GLUD1: variants seen among roughly 807,000 people sequenced by gnomAD.
GLUD1 encodes the protein glutamate dehydrogenase 1.
GLUD1 carries 22 observed loss-of-function variants against 56.0 expected under a neutral mutation model. The observed-to-expected ratio is 0.39, with a 90% confidence interval of 0.28 to 0.56. GLUD1 has a LOEUF of 0.56. Among genes scored for constraint, GLUD1 ranks in the 20% least tolerant of loss-of-function variants. The probability of loss-of-function intolerance (pLI) is 0.58; values close to 1 mark genes in which losing one functional copy is unlikely to be tolerated. For synonymous variants in GLUD1, 223 were observed against 269.9 expected (o/e 0.83, Z 1.70); for missense variants, 451 against 732.0 (o/e 0.62, Z 4.43).
At chr10:87,074,786 TC>T (rs769720712) in intron 3 of GLUD1, among the ~76,000 whole-genome samples, 172 bp from the exon 4 acceptor site, 22 of 152,130 alleles carry the variant, frequency 1.4e-4, no homozygotes, top group Admixed American at 4.6e-4. Flanking sequence ...AAATAAGGGA[TC>T]AAAAAAGTAG....
intron 11 of GLUD1, 113 bp downstream of exon 11, chr10:87,057,578 T>C: frequency 1.3e-6 from 1 of 764,906 alleles, no homozygotes; most frequent in Non-Finnish European, 2.4e-6. Flanking sequence ...ACGCACTTAC[T>C]GTCAAGCTAA....
intron 11 of GLUD1, among the ~76,000 whole-genome samples, chr10:87,055,504 C>G (rs1218546378): frequency 3.3e-5 from 5 of 152,114 alleles, no homozygotes; most frequent in African/African-American, 7.2e-5. Context: ...CTGGCAGGGA[C>G]AGTAGCAGCG....
chr10:87,076,396 A>G (rs1481859099), intron 2 of GLUD1, among the ~76,000 whole-genome samples, 180 bp downstream of exon 2: 4 of 61,140 alleles, frequency 6.5e-5, no homozygotes, highest in African/African-American at 1.2e-4. Context: ...TCCCCCATGT[A>G]AAAAAAAAAG....
At chr10:87,081,386 G>GC (rs1841248197) in intron 1 of GLUD1, among the ~76,000 whole-genome samples, 1 of 151,964 alleles carries the variant, frequency 6.6e-6, no homozygotes, top group African/African-American at 2.4e-5. Flanking sequence ...CCTCTGCCCG[G>GC]CCGCCCCTAC....
chr10:87,091,247 G>A (rs948529492), intron 1 of GLUD1, among the ~76,000 whole-genome samples: 2 of 152,032 alleles, frequency 1.3e-5, no homozygotes, highest in Non-Finnish European at 2.9e-5. Flanking sequence ...GACAACTGGG[G>A]GGGGGCAGAC....
chr10:87,080,099 G>A (rs1261252694), intron 1 of GLUD1, among the ~76,000 whole-genome samples: 3 of 151,890 alleles, frequency 2.0e-5, no homozygotes, highest in Non-Finnish European at 4.4e-5. Context: ...CGCCACGCCT[G>A]ACTGGTTTTC....
At chr10:87,087,608 G>C (rs542157811) in intron 1 of GLUD1, among the ~76,000 whole-genome samples, 1 of 152,168 alleles carries the variant, frequency 6.6e-6, no homozygotes. Flanking sequence ...TTGGGAACCA[G>C]GCAAAGAGAC....
intron 10 of GLUD1, among the ~76,000 whole-genome samples, chr10:87,058,878 G>A (rs930433551): frequency 1.3e-5 from 2 of 151,796 alleles, no homozygotes; most frequent in Admixed American, 6.6e-5. Flanking sequence ...GCGACGGAGC[G>A]AGACTCCCTC....
intron 1 of GLUD1, among the ~76,000 whole-genome samples, chr10:87,076,904 C>T (rs1427849505): frequency 6.6e-6 from 1 of 152,150 alleles, no homozygotes; most frequent in African/African-American, 2.4e-5. Flanking sequence ...ACAAAAATCA[C>T]CCTGCAATGA....
intron 4 of GLUD1, among the ~76,000 whole-genome samples, chr10:87,074,266 C>T (rs993216249): frequency 6.6e-6 from 1 of 151,998 alleles, no homozygotes; most frequent in South Asian, 2.1e-4. Context: ...TTTGGGAGTC[C>T]GAGATGGGTG....
intron 3 of GLUD1, among the ~76,000 whole-genome samples, chr10:87,075,379 AAAT>A (rs1455458130): frequency 6.6e-6 from 1 of 152,248 alleles, no homozygotes; most frequent in Non-Finnish European, 1.5e-5. Flanking sequence ...CTAAGTAAGA[AAAT>A]AATAAAACAA....
chr10:87,059,886 A>G (rs1015044450), intron 9 of GLUD1, among the ~76,000 whole-genome samples: 6 of 152,252 alleles, frequency 3.9e-5, no homozygotes, highest in African/African-American at 1.4e-4. Context: ...CTTTAGTTAG[A>G]ATAGTGTTTC....
intron 4 of GLUD1, among the ~76,000 whole-genome samples, chr10:87,074,176 A>C (rs933375295): frequency 3.3e-5 from 5 of 152,176 alleles, no homozygotes; most frequent in Non-Finnish European, 5.9e-5. Context: ...TATCTTCAGA[A>C]ATGTTGTATG....
intron 11 of GLUD1, among the ~76,000 whole-genome samples, chr10:87,055,171 C>T (rs1378141202): frequency 1.3e-5 from 2 of 151,774 alleles, no homozygotes; most frequent in African/African-American, 4.8e-5. Flanking sequence ...GGTAGAGGCA[C>T]GGGATTTAAT....
chr10:87,052,668 T>TAAAAAAAAAAAAAAAAAAAAA (rs1285140190), intron 12 of GLUD1, among the ~76,000 whole-genome samples: 1 of 16,538 alleles, frequency 6.0e-5, no homozygotes, highest in Non-Finnish European at 1.6e-4. Context: ...AAACTCCGTC[T>TAAAAAAAAAAAAAAAAAAAAA]CAAAAAAAAA....
rs951545998 is a variant in GLUD1, at chr10:87,050,873, A to G, written c.*878T>C. The G allele has an allele frequency of 6.6e-6, 1 of 152,236 alleles. No homozygotes were observed. Among genetic ancestry groups the G allele is most frequent in the African/African-American group, 2.4e-5 (1 of 41,468 alleles). The allele number at this position is 152,236 out of a possible 1,614,324, so 9.4% of individuals were successfully genotyped here. ...ACTTGAATTATTGTTTAATTAGTCA[A>G]CCATAGATCTTCAAAAGAGAACAAT... is the stretch of plus-strand genomic sequence containing the variant. On this transcript the variant is annotated 3_prime_UTR_variant, in exon 13 of 13. Transcript: ENST00000277865.
chr10:87,068,566 T>C (rs1020596262), intron 4 of GLUD1, among the ~76,000 whole-genome samples: 5 of 152,176 alleles, frequency 3.3e-5, no homozygotes, highest in Admixed American at 2.0e-4. Flanking sequence ...AGTTGACATG[T>C]ATGAGATAGC....
Position 87,055,879 on chromosome 10 carries a change from G to C in GLUD1, c.1494+1812C>G, listed in dbSNP as rs948890492. On this transcript the variant is annotated intron_variant, in intron 11 of 12. Transcript: ENST00000277865. ...GCCTGTAATCCCAGCACTTTGGGAG[G>C]CCGAGGCGGGTGGATCACGAGGTCA... Among the ~76,000 whole-genome samples, 8 of 152,080 alleles carry C rather than the reference G, an allele frequency of 5.3e-5. No homozygotes were observed. In the East Asian group the frequency reaches 1.2e-3, roughly 22 times the overall value.
intron 1 of GLUD1, chr10:87,093,824 C>A: frequency 1.1e-6 from 1 of 917,646 alleles, no homozygotes; most frequent in Non-Finnish European, 1.5e-6. Context: ...AGATTTCAAA[C>A]TTAGAAGCCA....
Sources: gnomAD v4.1 joint callset for allele counts (sites outside exome capture counted in the v4.1 genomes callset) on GRCh38, gnomAD v4.1.1 for gene constraint, MANE v1.5 for transcripts, NCBI Gene and HGNC (gene_info 2026-07-23, HGNC 2026-07-21) for gene names.